Variants in NXPE2 observed in about 807,000 individuals in gnomAD.
NXPE2 encodes neurexophilin and PC-esterase domain family member 2, also known as NXPE family member 2.
NXPE2 carries 34 observed loss-of-function variants against 34.4 expected under a neutral mutation model. That is an observed-to-expected ratio of 0.99 (90% CI 0.75 to 1.31). The LOEUF (loss-of-function observed/expected upper bound fraction) is 1.31, where lower values mean the gene tolerates loss of function less well. Among genes scored for constraint, NXPE2 ranks in the 40% most tolerant of loss-of-function variants. The pLI, the probability that NXPE2 is intolerant of heterozygous loss-of-function variation, is 0.00. For missense variants in NXPE2, 649 were observed against 672.5 expected, an observed-to-expected ratio of 0.97 and a Z score of 0.39; for synonymous variants, 235 against 231.3, an observed-to-expected ratio of 1.02 and a Z score of -0.15.
the NXPE2 span, among the ~76,000 whole-genome samples, chr11:114,505,360 C>T: frequency 3.9e-5 from 6 of 152,092 alleles, no homozygotes; most frequent in Non-Finnish European, 5.9e-5. Flanking sequence ...CATTCAAATT[C>T]GGGAAATGCA....
the NXPE2 span, among the ~76,000 whole-genome samples, chr11:114,666,721 G>C: frequency 6.6e-6 from 1 of 151,980 alleles, no homozygotes. Flanking sequence ...CAAATTGCTG[G>C]CATATGCATG....
chr11:114,471,259 T>C, the NXPE2 span, among the ~76,000 whole-genome samples: 33 of 152,230 alleles, frequency 2.2e-4, no homozygotes, highest in African/African-American at 7.0e-4. Context: ...GTTTTACAGA[T>C]TGAGGTTTTA....
At chr11:114,542,811 C>G in the NXPE2 span, among the ~76,000 whole-genome samples, 1 of 152,002 alleles carries the variant, frequency 6.6e-6, no homozygotes, top group African/African-American at 2.4e-5. Context: ...AAAATATAAA[C>G]CTCACTAAAT....
At chr11:114,633,492 TA>T in the NXPE2 span, among the ~76,000 whole-genome samples, 1 of 150,872 alleles carries the variant, frequency 6.6e-6, no homozygotes, top group Admixed American at 6.7e-5. Context: ...CTTCAAGTTT[TA>T]GGGTACATGT....
chr11:114,477,246 A>G, the NXPE2 span, among the ~76,000 whole-genome samples: 1 of 152,168 alleles, frequency 6.6e-6, no homozygotes, highest in African/African-American at 2.4e-5. Context: ...GTGAAAGGGT[A>G]CAAATTTCAG....
chr11:114,507,231 T>C, the NXPE2 span, among the ~76,000 whole-genome samples: 43 of 126,318 alleles, frequency 3.4e-4, 1 homozygote, highest in Admixed American at 9.0e-4. Flanking sequence ...GCAGTGATAA[T>C]AGCCTGCCAA....
chr11:114,712,993 G>C, the NXPE2 span, among the ~76,000 whole-genome samples: 2 of 152,156 alleles, frequency 1.3e-5, no homozygotes, highest in Non-Finnish European at 2.9e-5. Flanking sequence ...GATGAACCTT[G>C]AGGATATTAT....
chr11:114,760,979 TTTTG>T, the NXPE2 span, among the ~76,000 whole-genome samples: 2 of 152,152 alleles, frequency 1.3e-5, no homozygotes, highest in African/African-American at 4.8e-5. Flanking sequence ...TGAAGATGTG[TTTTG>T]TTTCTCATCC....
chr11:114,745,351 T>G, the NXPE2 span, among the ~76,000 whole-genome samples: 1 of 152,136 alleles, frequency 6.6e-6, no homozygotes, highest in Admixed American at 6.5e-5. Context: ...ATGGCCAGAT[T>G]GAAAAGCAAG....
the NXPE2 span, among the ~76,000 whole-genome samples, chr11:114,760,324 A>G: frequency 1.8e-4 from 27 of 152,162 alleles, no homozygotes; most frequent in Non-Finnish European, 2.9e-4. Context: ...TCACCAGGTA[A>G]GAATATGTCG....
intron 3 of NXPE2, among the ~76,000 whole-genome samples, chr11:114,701,378 C>T (rs1342483829): frequency 1.3e-5 from 2 of 152,122 alleles, no homozygotes; most frequent in Admixed American, 6.6e-5. Flanking sequence ...CTCAGGAAAT[C>T]CAAAGTCCCT....
chr11:114,479,968 A>C, the NXPE2 span, among the ~76,000 whole-genome samples: 1 of 152,132 alleles, frequency 6.6e-6, no homozygotes, highest in Non-Finnish European at 1.5e-5. Flanking sequence ...AGAAGGAGCA[A>C]GAGAGACATC....
the NXPE2 span, among the ~76,000 whole-genome samples, chr11:114,609,550 A>G: frequency 6.6e-6 from 1 of 151,796 alleles, no homozygotes; most frequent in African/African-American, 2.4e-5. Context: ...CCAATGGATA[A>G]TGAGTATTGC....
At chr11:114,787,111 A>G in the NXPE2 span, among the ~76,000 whole-genome samples, 13 of 152,186 alleles carry the variant, frequency 8.5e-5, no homozygotes, top group Admixed American at 6.5e-4. Context: ...TCTGTGTCAC[A>G]CTTTCCCGGA....
the NXPE2 span, among the ~76,000 whole-genome samples, chr11:114,633,706 C>A: frequency 6.7e-6 from 1 of 149,470 alleles, no homozygotes; most frequent in Non-Finnish European, 1.5e-5. Context: ...TGAGTGAGAA[C>A]ATGTGGCGTT....
At chr11:114,679,907 A>G (rs1950920218) in intron 2 of NXPE2, 145 bp downstream of exon 2, 1 of 556,260 alleles carries the variant, frequency 1.8e-6, no homozygotes, top group Non-Finnish European at 3.2e-6. Flanking sequence ...TTCAGCATAA[A>G]TCCCTTTGGC....
chr11:114,577,125 A>C, the NXPE2 span, among the ~76,000 whole-genome samples: 4 of 142,904 alleles, frequency 2.8e-5, no homozygotes, highest in South Asian at 2.2e-4. Flanking sequence ...ATATATATAA[A>C]GTTATATATA....
At chr11:114,755,686 GTCTATCTATCCA>G in the NXPE2 span, among the ~76,000 whole-genome samples, 72 of 145,924 alleles carry the variant, frequency 4.9e-4, no homozygotes, top group Middle Eastern at 0.011. Flanking sequence ...CTATCTGTCT[GTCTATCTATCCA>G]TCTATCTATC....
At chr11:114,610,903 G>A in the NXPE2 span, among the ~76,000 whole-genome samples, 1 of 144,938 alleles carries the variant, frequency 6.9e-6, no homozygotes, top group Non-Finnish European at 1.5e-5. Context: ...GTAATCAATG[G>A]TACCTGGTGG....
Sources: allele counts gnomAD v4.1 joint callset (sites outside exome capture counted in the v4.1 genomes callset), GRCh38; gene constraint gnomAD v4.1.1; transcripts MANE v1.5; gene names NCBI Gene and HGNC (gene_info 2026-07-23, HGNC 2026-07-21).